CCDC62: variants seen among roughly 807,000 people sequenced by gnomAD.
The protein encoded by CCDC62 is coiled-coil domain-containing protein 62.
Under a neutral mutation model 80.8 loss-of-function variants are expected in CCDC62, and 72 were observed. The observed-to-expected ratio is 0.89, with a 90% CI of 0.74 to 1.08. The LOEUF (loss-of-function observed/expected upper bound fraction) is 1.08, where lower values mean the gene tolerates loss of function less well. Ranked by LOEUF, CCDC62 falls within the 50% of genes least tolerant of loss-of-function variation. The pLI is 0.00. For synonymous variants in CCDC62, 286 were observed against 296.5 expected, an observed-to-expected ratio of 0.96 and a Z score of 0.36; for missense variants, 704 against 809.4, an observed-to-expected ratio of 0.87 and a Z score of 1.58.
chr12:122,805,781 A>T (rs2031568992), intron 9 of CCDC62, among the ~76,000 whole-genome samples: 1 of 151,926 alleles, frequency 6.6e-6, no homozygotes, highest in Non-Finnish European at 1.5e-5. Context: ...AAGTGCTGGG[A>T]TTACAGGTGT....
chr12:122,825,237 G>T (rs2032567407), intron 12 of CCDC62, among the ~76,000 whole-genome samples: 1 of 151,032 alleles, frequency 6.6e-6, no homozygotes, highest in Non-Finnish European at 1.5e-5. Context: ...GTGCAGTGGT[G>T]CAATCTCAGC....
At chr12:122,818,460 A>T in intron 11 of CCDC62, among the ~76,000 whole-genome samples, 1 of 151,480 alleles carries the variant, frequency 6.6e-6, no homozygotes, top group Non-Finnish European at 1.5e-5. Context: ...CTCAAAAAAA[A>T]AAAAAAAAAA....
Position 122,777,696 on chromosome 12 carries a change from T to C in CCDC62, c.229+13T>C. 6.2e-7 allele frequency: 1 copy of C among 1,611,116 alleles called. No homozygotes were observed. Among genetic ancestry groups the C allele is most frequent in the Non-Finnish European group, 8.5e-7 (1 of 1,177,358 alleles). ...AGCAAATTAGAAGGTCAGAAATACA[T>C]TCAGGGACAACAGTTATGCACTTCT... On this transcript the variant is annotated intron_variant, in intron 2 of 12. Coordinates refer to ENST00000253079, the MANE Select transcript of CCDC62 (RefSeq NM_201435.5).
chr12:122,820,569 C>T (rs1431120509), intron 11 of CCDC62, among the ~76,000 whole-genome samples: 1 of 152,116 alleles, frequency 6.6e-6, no homozygotes, highest in Non-Finnish European at 1.5e-5. Flanking sequence ...GGTAGCAAGG[C>T]ACGGTGGTTC....
chr12:122,798,224 A>G lies in CCDC62; in HGVS notation c.977+24A>G, dbSNP rs759637588. On this transcript the variant is annotated intron_variant, in intron 8 of 12. Transcript: ENST00000253079. ...AGGTAATCTTAGCAAGATGCAATTA[A>G]TATGATCTTGTATTATATTCCATCA... 6 of 1,100,250 alleles carry G rather than the reference A, an allele frequency of 5.5e-6. No individual in the cohort carries two copies. In the Admixed American group the frequency reaches 8.6e-5, roughly 16 times the overall value. 68.2% of individuals were successfully genotyped at this position (1,100,250 alleles called of 1,614,324 possible). A position where few individuals can be genotyped will look rare whatever the true frequency, so the allele number is the denominator to read the frequency against.
chr12:122,797,953 T>G, intron 7 of CCDC62, 132 bp from the exon 8 acceptor site: 1 of 607,078 alleles, frequency 1.6e-6, no homozygotes, highest in East Asian at 2.9e-5. Context: ...AGCAGACATA[T>G]TTAGCATATT....
intron 11 of CCDC62, among the ~76,000 whole-genome samples, chr12:122,818,882 C>A (rs1363851850): frequency 6.6e-6 from 1 of 152,068 alleles, no homozygotes; most frequent in Non-Finnish European, 1.5e-5. Flanking sequence ...ACGATCACAC[C>A]ATTGCACTCC....
In CCDC62 at chr12:122,801,091, A is replaced by T. The variant is rs1410659927; in HGVS notation, c.978-33A>T. 3.2e-6 allele frequency: 5 copies of T among 1,576,064 alleles called. No homozygotes were observed. The Admixed American group carries it at 9.5e-5, about 30-fold the overall frequency. On this transcript the variant is annotated intron_variant, in intron 8 of 12. Transcript: ENST00000253079. ...AGAATGATAGCATCAAGTATATCTT[A>T]TAACCTCCATTTTTTTTCTAATGCC... is the stretch of plus-strand genomic sequence containing the variant.
chr12:122,776,480 A>G (rs924139751), intron 1 of CCDC62: 1 of 152,264 alleles, frequency 6.6e-6, no homozygotes, highest in Admixed American at 6.5e-5. Flanking sequence ...AATGAAAAGA[A>G]AAGGACATTG....
chr12:122,805,906 G>C (rs1370015389), intron 9 of CCDC62, among the ~76,000 whole-genome samples: 1 of 152,144 alleles, frequency 6.6e-6, no homozygotes, highest in Non-Finnish European at 1.5e-5. Flanking sequence ...ACCCAGATCA[G>C]CCTCCCAAAG....
Position 122,781,300 on chromosome 12 carries a change from G to C in CCDC62, c.366G>C (p.Thr122=). The change falls in exon 3 of 13, where the codon ACG becomes ACC. Residue 122 remains threonine, a synonymous_variant. Transcript: ENST00000253079. ...TTCAGGAAATGGCTCAAAAGGCAACGCATTCTTCTCTTCTCTCTGAAGACC... is the reference window on the plus strand; with the variant it reads ...TTCAGGAAATGGCTCAAAAGGCAACCCATTCTTCTCTTCTCTCTGAAGACC... ...LQLQEMAQKA[T]HSSLLSEDLE... 1.9e-6 allele frequency: 3 copies of C among 1,613,978 alleles called. No individual in the cohort carries two copies. The highest frequency in any genetic ancestry group is 1.7e-6 in the Non-Finnish European group (2 of 1,179,926).
In CCDC62 at chr12:122,785,809, AT is replaced by A; in HGVS notation, c.488del (p.Ile163LysfsTer3). Reference sequence around the variant, plus strand: ...TCGAGAACAAGCTCTTACGACAATGATAAAGCTAAAGGTAATCAAAAATAAG... The same window carrying A: ...TCGAGAACAAGCTCTTACGACAATGAAAAGCTAAAGGTAATCAAAAATAAG... ...QAREQALTTMIKLKDKDIIEA... is the reference protein window; with the variant it reads ...QAREQALTTMXKLKDKDIIEA... On this transcript the variant is annotated frameshift_variant, in exon 4 of 13. Coordinates refer to ENST00000253079, the MANE Select transcript of CCDC62 (RefSeq NM_201435.5). LOFTEE classifies it high-confidence loss of function. 1 of 1,605,614 alleles carries A rather than the reference AT, an allele frequency of 6.2e-7. No individual in the cohort carries two copies. Among genetic ancestry groups the A allele is most frequent in the Non-Finnish European group, 8.5e-7 (1 of 1,172,290 alleles).
At position 122,813,309 on chromosome 12, in the gene CCDC62, A is replaced by G. The variant is rs748831792; in HGVS notation, c.1891A>G (p.Thr631Ala). The G allele has an allele frequency of 7.4e-6, 12 of 1,613,618 alleles. No individual in the cohort carries two copies. In the Admixed American group the frequency reaches 2.0e-4, roughly 27 times the overall value. Residue 631 changes from threonine to alanine, a missense_variant, in exon 11 of 13, where the codon ACG becomes GCG. Thr to Ala is a moderately conservative substitution (Grantham distance 58). Transcript: ENST00000253079. ...VLPSQDDFSP[T>A]SKLQRLLAES... ...ACCCTCCCAGGATGATTTCTCGCCC[A>G]CGAGCAAGCTCCAGCGTTTGCTGGC...
intron 11 of CCDC62, among the ~76,000 whole-genome samples, chr12:122,814,843 C>T (rs549756432): frequency 6.7e-6 from 1 of 150,008 alleles, no homozygotes; most frequent in South Asian, 2.1e-4. Flanking sequence ...ATTTTTGAGA[C>T]AGCATCTTCC....
intron 8 of CCDC62, among the ~76,000 whole-genome samples, chr12:122,799,204 T>C (rs1353782725): frequency 6.6e-6 from 1 of 152,248 alleles, no homozygotes; most frequent in African/African-American, 2.4e-5. Context: ...ATTTAGCCAC[T>C]GGATAGAAGT....
intron 12 of CCDC62, among the ~76,000 whole-genome samples, chr12:122,823,742 C>T (rs1400704504): frequency 6.7e-6 from 1 of 149,644 alleles, no homozygotes; most frequent in Admixed American, 6.7e-5. Context: ...GTGGCTCACA[C>T]GTGTAATCCC....
chr12:122,787,201 A>G (rs1293008214), intron 4 of CCDC62, among the ~76,000 whole-genome samples: 10 of 152,148 alleles, frequency 6.6e-5, no homozygotes, highest in Admixed American at 6.6e-5. Flanking sequence ...TAATCCCAGC[A>G]CTTTGGGAAG....
At chr12:122,815,813 A>G (rs562813748) in intron 11 of CCDC62, among the ~76,000 whole-genome samples, 21 of 152,220 alleles carry the variant, frequency 1.4e-4, no homozygotes, top group Non-Finnish European at 2.9e-4. Flanking sequence ...ATGAATAGAG[A>G]CAGTTTTATT....
chr12:122,774,669 C>G lies in CCDC62; in HGVS notation c.-2C>G. Reference sequence around the variant, plus strand: ...GCTTCTCCGGGGGCGGAGGAAACACCTATGAACCCTCCGGCAGCCTTCCTT... The same window carrying G: ...GCTTCTCCGGGGGCGGAGGAAACACGTATGAACCCTCCGGCAGCCTTCCTT... On this transcript the variant is annotated 5_prime_UTR_variant, in exon 1 of 13. Coordinates refer to ENST00000253079, the MANE Select transcript of CCDC62 (RefSeq NM_201435.5). The G allele has an allele frequency of 8.0e-7, 1 of 1,254,358 alleles. No individual in the cohort carries two copies. Among genetic ancestry groups the G allele is most frequent in the Non-Finnish European group, 1.0e-6 (1 of 990,588 alleles). 77.7% of individuals were successfully genotyped at this position (1,254,358 alleles called of 1,614,324 possible).
Sources: gnomAD v4.1 joint callset for allele counts (sites outside exome capture counted in the v4.1 genomes callset) on GRCh38, gnomAD v4.1.1 for gene constraint, MANE v1.5 for transcripts, NCBI Gene and HGNC (gene_info 2026-07-23, HGNC 2026-07-21) for gene names.